MLANA: variants seen among roughly 807,000 people sequenced by gnomAD.
MLANA encodes the protein melanoma antigen recognized by T-cells 1.
MLANA carries 21 observed loss-of-function variants against 15.7 expected under a neutral mutation model. That is an observed-to-expected ratio of 1.33 (90% CI 0.95 to 1.92). The LOEUF is 1.92. Ranked by LOEUF, MLANA falls within the 40% of genes most tolerant of loss-of-function variation. The pLI is 0.00. For synonymous variants in MLANA, 56 were observed against 51.5 expected (o/e 1.09, Z -0.37); for missense variants, 164 against 143.8 (o/e 1.14, Z -0.72).
At chr9:5,900,815 T>C (rs559013106) in intron 3 of MLANA, among the ~76,000 whole-genome samples, 2 of 152,384 alleles carry the variant, frequency 1.3e-5, no homozygotes, top group African/African-American at 4.8e-5. Flanking sequence ...GGTTTTTATA[T>C]TAACCAGTTT....
chr9:5,895,831 C>T (rs985464523), intron 2 of MLANA, among the ~76,000 whole-genome samples: 1 of 152,220 alleles, frequency 6.6e-6, no homozygotes, highest in Non-Finnish European at 1.5e-5. Context: ...GTCAGGCATA[C>T]CCTGGTGCTT....
rs1563825718 is a variant in MLANA at position 5,909,734 on chromosome 9, A to G, written c.*1026A>G. On this transcript the variant is annotated 3_prime_UTR_variant, in exon 5 of 5. Coordinates refer to ENST00000381477, the MANE Select transcript of MLANA (RefSeq NM_005511.2). Reference sequence around the variant, plus strand: ...GTGCTGATGCCTGTGTACTGCCTTAAATGTACCTATGGCAATTTAGCTCTC... The same window carrying G: ...GTGCTGATGCCTGTGTACTGCCTTAGATGTACCTATGGCAATTTAGCTCTC... The G allele has an allele frequency of 6.6e-6, 1 of 152,154 alleles. No homozygotes were observed. The highest frequency in any genetic ancestry group is 1.5e-5 in the Non-Finnish European group (1 of 67,978). 9.4% of individuals were successfully genotyped at this position (152,154 alleles called of 1,614,324 possible). A position where few individuals can be genotyped will look rare whatever the true frequency, so the allele number is the denominator to read the frequency against.
rs186106662 is a variant in MLANA, at chr9:5,903,390, T to C, written c.175-3495T>C. Among the ~76,000 whole-genome samples, 1,126 of 152,358 alleles carry C rather than the reference T, an allele frequency of 7.4e-3. 9 individuals are homozygous for C. Among genetic ancestry groups the C allele is most frequent in the Middle Eastern group, 0.014 (4 of 294 alleles). The stretch of plus-strand genomic sequence containing the variant: ...CTGTCACAGTATATAATTCCTTTTA[T>C]ATATTGTTAGGTTTGATTTGCTAAT... On this transcript the variant is annotated intron_variant, in intron 3 of 4. Transcript: ENST00000381477.
intron 3 of MLANA, among the ~76,000 whole-genome samples, chr9:5,905,747 T>G (rs986319154): frequency 2.6e-5 from 4 of 152,230 alleles, no homozygotes; most frequent in Admixed American, 6.5e-5. Context: ...ATGTATACCT[T>G]CCGTGTATTG....
At chr9:5,900,321 T>C (rs1832332244) in intron 3 of MLANA, among the ~76,000 whole-genome samples, 1 of 152,184 alleles carries the variant, frequency 6.6e-6, no homozygotes, top group Admixed American at 6.5e-5. Flanking sequence ...AGACTTTTTA[T>C]TGAGAGGGAA....
intron 4 of MLANA, among the ~76,000 whole-genome samples, chr9:5,907,563 C>A (rs1205207523): frequency 6.6e-6 from 1 of 152,054 alleles, no homozygotes; most frequent in Non-Finnish European, 1.5e-5. Context: ...TATTGATTCA[C>A]CTTGAAATAA....
At chr9:5,892,324 G>A (rs1831707820) in intron 1 of MLANA, 126 bp from the exon 2 acceptor site, 7 of 525,732 alleles carry the variant, frequency 1.3e-5, no homozygotes, top group Non-Finnish European at 1.9e-5. Flanking sequence ...CCCTCACAGA[G>A]AGAAACCAAA....
intron 3 of MLANA, among the ~76,000 whole-genome samples, chr9:5,906,323 C>CT (rs968319647): frequency 8.2e-6 from 1 of 121,846 alleles, no homozygotes; most frequent in African/African-American, 2.9e-5. Flanking sequence ...GAGTGAGACT[C>CT]TGTCTCAAAA....
chr9:5,905,452 G>A (rs1832738306), intron 3 of MLANA, among the ~76,000 whole-genome samples: 1 of 152,116 alleles, frequency 6.6e-6, no homozygotes, highest in South Asian at 2.1e-4. Flanking sequence ...TATCAAATTA[G>A]GAACAAGACA....
Position 5,909,508 on chromosome 9 carries a change from T to G in MLANA, c.*800T>G. On this transcript the variant is annotated 3_prime_UTR_variant, in exon 5 of 5. Coordinates refer to ENST00000381477, the MANE Select transcript of MLANA (RefSeq NM_005511.2). ...CCTGACCTCAGGTGATCTGCCCGCC[T>G]CAGCCTCCCAAAGTGCTGGAATTAC... 6.6e-6 allele frequency: 1 copy of G among 152,448 alleles called. No homozygotes were observed. Among genetic ancestry groups the G allele is most frequent in the Non-Finnish European group, 1.5e-5 (1 of 68,110 alleles). 9.4% of individuals were successfully genotyped at this position (152,448 alleles called of 1,614,324 possible).
intron 3 of MLANA, among the ~76,000 whole-genome samples, chr9:5,902,719 T>C (rs1056111813): frequency 4.6e-5 from 7 of 151,910 alleles, no homozygotes; most frequent in Admixed American, 4.6e-4. Flanking sequence ...GTTGCTCTGG[T>C]TGGTCTCAAA....
At chr9:5,898,346 C>T (rs1182074342) in intron 3 of MLANA, among the ~76,000 whole-genome samples, 1 of 152,206 alleles carries the variant, frequency 6.6e-6, no homozygotes, top group Non-Finnish European at 1.5e-5. Context: ...CCACATATGG[C>T]CCAAACTCAC....
intron 1 of MLANA, chr9:5,891,197 G>A (rs942896597): frequency 1.3e-5 from 2 of 152,246 alleles, no homozygotes; most frequent in Non-Finnish European, 2.9e-5. Context: ...CAGCCTCCCT[G>A]AGGTAGATGT....
chr9:5,898,997 C>A (rs1287770374), intron 3 of MLANA: 1 of 152,168 alleles, frequency 6.6e-6, no homozygotes, highest in African/African-American at 2.4e-5. Context: ...GTACCAGTAT[C>A]CTCCATGAAT....
chr9:5,901,849 C>T (rs1204817762), intron 3 of MLANA, among the ~76,000 whole-genome samples: 4 of 152,154 alleles, frequency 2.6e-5, no homozygotes, highest in African/African-American at 9.7e-5. Context: ...ACCAGGTTTG[C>T]ATACCTGGCA....
At chr9:5,903,218 G>C (rs1832561167) in intron 3 of MLANA, among the ~76,000 whole-genome samples, 2 of 152,030 alleles carry the variant, frequency 1.3e-5, no homozygotes, top group African/African-American at 2.4e-5. Flanking sequence ...TTTTAAATTT[G>C]TTAAGATGTG....
intron 2 of MLANA, among the ~76,000 whole-genome samples, chr9:5,893,543 A>G (rs1831796624): frequency 6.6e-6 from 1 of 152,272 alleles, no homozygotes; most frequent in African/African-American, 2.4e-5. Context: ...TCCCTGGCCA[A>G]TTGGAGATGA....
chr9:5,906,070 T>C (rs1218200213), intron 3 of MLANA, among the ~76,000 whole-genome samples: 2 of 151,770 alleles, frequency 1.3e-5, no homozygotes, highest in Non-Finnish European at 2.9e-5. Context: ...AAGACAAATA[T>C]GTTGGGTGCA....
intron 3 of MLANA, among the ~76,000 whole-genome samples, chr9:5,898,607 G>C (rs763539302): frequency 1.3e-5 from 2 of 152,162 alleles, no homozygotes; most frequent in Non-Finnish European, 2.9e-5. Context: ...AGCACTGACG[G>C]TTTATAGGGC....
Sources: allele counts gnomAD v4.1 joint callset (sites outside exome capture counted in the v4.1 genomes callset), GRCh38; gene constraint gnomAD v4.1.1; transcripts MANE v1.5; gene names NCBI Gene and HGNC (gene_info 2026-07-23, HGNC 2026-07-21).